Variants in BARD1 observed in about 807,000 individuals in gnomAD.
BARD1 encodes the protein BRCA1-associated RING domain protein 1.
Under a neutral mutation model 77.0 loss-of-function variants are expected in BARD1, and 73 were observed. The observed-to-expected ratio is 0.95, with a 90% CI of 0.79 to 1.15. The LOEUF (loss-of-function observed/expected upper bound fraction) is 1.15. Ranked by LOEUF, BARD1 falls within the 50% of genes most tolerant of loss-of-function variation. The pLI is 0.00. For synonymous variants in BARD1, 384 were observed against 338.0 expected (o/e 1.14, Z -1.49); for missense variants, 993 against 938.8 (o/e 1.06, Z -0.75).
At chr2:214,765,195 C>G (rs1694141142) in intron 6 of BARD1, among the ~76,000 whole-genome samples, 1 of 152,156 alleles carries the variant, frequency 6.6e-6, no homozygotes, top group African/African-American at 2.4e-5. Flanking sequence ...TTTCCACCAC[C>G]ACAGAAAGGT....
At chr2:214,788,271 A>C (rs1695364354) in intron 3 of BARD1, among the ~76,000 whole-genome samples, 1 of 152,026 alleles carries the variant, frequency 6.6e-6, no homozygotes, top group Non-Finnish European at 1.5e-5. Context: ...GATAGGGTTG[A>C]AGAGAAAATA....
At chr2:214,738,136 T>C (rs1692648153) in intron 9 of BARD1, among the ~76,000 whole-genome samples, 3 of 152,182 alleles carry the variant, frequency 2.0e-5, no homozygotes, top group African/African-American at 7.2e-5. Flanking sequence ...ATTTCATCTT[T>C]GTTACTTTTC....
intron 9 of BARD1, among the ~76,000 whole-genome samples, chr2:214,742,243 T>C (rs1426829654): frequency 6.6e-6 from 1 of 152,214 alleles, no homozygotes; most frequent in Admixed American, 6.5e-5. Flanking sequence ...AAAATCAAAC[T>C]GAGCCAGGTG....
chr2:214,758,302 A>T (rs183660705), intron 6 of BARD1, among the ~76,000 whole-genome samples: 1 of 152,320 alleles, frequency 6.6e-6, no homozygotes, highest in African/African-American at 2.4e-5. Flanking sequence ...ATTTTACAGG[A>T]TTGTTGCCAG....
chr2:214,742,217 C>T (rs1451427699), intron 9 of BARD1, among the ~76,000 whole-genome samples: 1 of 152,082 alleles, frequency 6.6e-6, no homozygotes, highest in Non-Finnish European at 1.5e-5. Flanking sequence ...TTTTAAATAG[C>T]TCTGAAACAT....
At chr2:214,809,051 G>T (rs1696424525) in intron 1 of BARD1, among the ~76,000 whole-genome samples, 1 of 152,168 alleles carries the variant, frequency 6.6e-6, no homozygotes, top group Non-Finnish European at 1.5e-5. Context: ...GGTAATCCAG[G>T]GCCGGGTAAA....
intron 9 of BARD1, among the ~76,000 whole-genome samples, chr2:214,732,245 T>C (rs1692387275): frequency 6.6e-6 from 1 of 152,222 alleles, no homozygotes. Flanking sequence ...AAACTGCATA[T>C]GCCTGCAAAA....
intron 6 of BARD1, among the ~76,000 whole-genome samples, chr2:214,760,075 T>C (rs1430415125): frequency 6.6e-6 from 1 of 152,150 alleles, no homozygotes; most frequent in African/African-American, 2.4e-5. Flanking sequence ...CCCCACTTCC[T>C]GGGCTACAAA....
At chr2:214,759,174 G>A (rs777602381) in intron 6 of BARD1, among the ~76,000 whole-genome samples, 1 of 152,086 alleles carries the variant, frequency 6.6e-6, no homozygotes, top group African/African-American at 2.4e-5. Flanking sequence ...CTAGGGCAGT[G>A]GGACAATTAA....
chr2:214,728,615 CAAT>C lies in BARD1; in HGVS notation c.*58_*60del. ...AAAAATGTGAACATTAAAAACAGTACAATGACTGGGCTCTCACAAACCGTGCAA... is the reference window on the plus strand; with the variant it reads ...AAAAATGTGAACATTAAAAACAGTACGACTGGGCTCTCACAAACCGTGCAA... On this transcript the variant is annotated 3_prime_UTR_variant, in exon 11 of 11. Transcript: ENST00000260947. 2 of 1,506,352 alleles carry C rather than the reference CAAT, an allele frequency of 1.3e-6. No homozygotes were observed. Among genetic ancestry groups the C allele is most frequent in the Non-Finnish European group, 1.8e-6 (2 of 1,094,020 alleles). The allele number at this position is 1,506,352 out of a possible 1,614,324, so 93.3% of individuals were successfully genotyped here. A position where few individuals can be genotyped will look rare whatever the true frequency, so the allele number is the denominator to read the frequency against.
At chr2:214,759,410 A>AT (rs1693845473) in intron 6 of BARD1, among the ~76,000 whole-genome samples, 1 of 152,200 alleles carries the variant, frequency 6.6e-6, no homozygotes, top group Non-Finnish European at 1.5e-5. Flanking sequence ...AGTGGGGAAG[A>AT]CAGATTACCA....
intron 6 of BARD1, among the ~76,000 whole-genome samples, chr2:214,759,333 C>T (rs1693841596): frequency 1.3e-5 from 2 of 152,106 alleles, no homozygotes; most frequent in South Asian, 4.1e-4. Flanking sequence ...TCGCCACACA[C>T]TCAAAATGGT....
At chr2:214,778,261 T>C (rs1230443986) in intron 4 of BARD1, among the ~76,000 whole-genome samples, 8 of 139,894 alleles carry the variant, frequency 5.7e-5, no homozygotes, top group African/African-American at 2.1e-4. Context: ...GCAAATCTGA[T>C]TTTAAGGATA....
At chr2:214,789,009 A>C (rs985312222) in intron 3 of BARD1, among the ~76,000 whole-genome samples, 1 of 151,600 alleles carries the variant, frequency 6.6e-6, no homozygotes, top group Non-Finnish European at 1.5e-5. Flanking sequence ...TTGGGGGTCT[A>C]TACAACTTAT....
intron 1 of BARD1, among the ~76,000 whole-genome samples, chr2:214,806,110 C>G (rs1696256618): frequency 6.6e-6 from 1 of 152,190 alleles, no homozygotes; most frequent in African/African-American, 2.4e-5. Context: ...AATGTCACAT[C>G]TGGCCTCTTG....
chr2:214,771,977 T>C (rs1373609914), intron 4 of BARD1, among the ~76,000 whole-genome samples: 4 of 145,834 alleles, frequency 2.7e-5, no homozygotes, highest in Non-Finnish European at 6.0e-5. Flanking sequence ...ACAGTGCAAA[T>C]TCTACTTCTA....
intron 6 of BARD1, among the ~76,000 whole-genome samples, chr2:214,761,406 T>G (rs143269369): frequency 1.3e-3 from 198 of 152,220 alleles, no homozygotes; most frequent in Non-Finnish European, 2.2e-3. Flanking sequence ...CTTATAATCA[T>G]AAATGCAAAA....
rs1559393018 is a variant in BARD1 at position 214,751,135 on chromosome 2, ATATATATATATATATATT to A, written c.1677+1294_1677+1311del. On this transcript the variant is annotated intron_variant, in intron 7 of 10. Transcript: ENST00000260947. ...TGTGTGTGTATATATATATATATAT[ATATATATATATATATATT>A]TTTTTTTTTTTTTTTTTTTTTTTTG... 7.9e-3 allele frequency among the ~76,000 whole-genome samples: 134 copies of A among 16,864 alleles called. 5 individuals are homozygous for A. The highest frequency in any genetic ancestry group is 0.012 in the African/African-American group (104 of 8,554). The allele number at this position is 16,864 out of a possible 152,430, so 11.1% of individuals were successfully genotyped here.
chr2:214,747,698 G>C (rs1026390272), intron 7 of BARD1, among the ~76,000 whole-genome samples: 7 of 114,674 alleles, frequency 6.1e-5, no homozygotes, highest in African/African-American at 2.4e-4. Flanking sequence ...ACACTCTGGG[G>C]ACTGTTGTGG....
Sources: gnomAD v4.1 joint callset for allele counts (sites outside exome capture counted in the v4.1 genomes callset) on GRCh38, gnomAD v4.1.1 for gene constraint, MANE v1.5 for transcripts, NCBI Gene and HGNC (gene_info 2026-07-23, HGNC 2026-07-21) for gene names.